CACNA2D3: variants seen among roughly 807,000 people sequenced by gnomAD.
CACNA2D3 encodes voltage-dependent calcium channel subunit alpha-2/delta-3.
CACNA2D3 carries 60 observed loss-of-function variants against 160.6 expected under a neutral mutation model. That is an observed-to-expected ratio of 0.37 (90% CI 0.30 to 0.46). The LOEUF (loss-of-function observed/expected upper bound fraction) is 0.46, where lower values mean the gene tolerates loss of function less well. Ranked by LOEUF, CACNA2D3 falls within the 20% of genes least tolerant of loss-of-function variation. The probability of loss-of-function intolerance (pLI) is 1.00; values close to 1 mark genes in which losing one functional copy is unlikely to be tolerated. For missense variants in CACNA2D3, 1,205 were observed against 1,365.0 expected (o/e 0.88, Z 1.85); for synonymous variants, 558 against 492.9 (o/e 1.13, Z -1.75).
chr3:54,260,163 G>A (rs1008268603), intron 2 of CACNA2D3, among the ~76,000 whole-genome samples: 10 of 151,926 alleles, frequency 6.6e-5, no homozygotes, highest in Admixed American at 1.3e-4. Context: ...GTGCAGAGAT[G>A]TCACACTTTG....
intron 2 of CACNA2D3, among the ~76,000 whole-genome samples, chr3:54,224,569 G>A (rs1489977587): frequency 6.6e-6 from 1 of 152,110 alleles, no homozygotes; most frequent in Non-Finnish European, 1.5e-5. Flanking sequence ...GACCACCGTC[G>A]TATATGCCAT....
At chr3:54,253,455 G>A (rs1215210987) in intron 2 of CACNA2D3, among the ~76,000 whole-genome samples, 1 of 151,834 alleles carries the variant, frequency 6.6e-6, no homozygotes, top group African/African-American at 2.4e-5. Context: ...GAAGGGGGAG[G>A]TGCCACACAC....
chr3:54,782,276 C>A (rs1324815730), intron 13 of CACNA2D3, among the ~76,000 whole-genome samples: 1 of 152,116 alleles, frequency 6.6e-6, no homozygotes, highest in East Asian at 1.9e-4. Flanking sequence ...ACAGTAAATT[C>A]CATAGCATAT....
chr3:54,307,053 C>T (rs1255631060), intron 2 of CACNA2D3, among the ~76,000 whole-genome samples: 1 of 152,100 alleles, frequency 6.6e-6, no homozygotes, highest in Non-Finnish European at 1.5e-5. Context: ...CGTCTGATGC[C>T]GACTCCAGAC....
intron 11 of CACNA2D3, among the ~76,000 whole-genome samples, chr3:54,749,225 C>T (rs1423648877): frequency 6.6e-6 from 1 of 152,106 alleles, no homozygotes; most frequent in Non-Finnish European, 1.5e-5. Flanking sequence ...ACACAAAACC[C>T]ACAACTTGCT....
intron 4 of CACNA2D3, among the ~76,000 whole-genome samples, chr3:54,475,634 G>A (rs985320055): frequency 1.3e-5 from 2 of 152,088 alleles, no homozygotes; most frequent in African/African-American, 2.4e-5. Context: ...TCTACAATCA[G>A]CCTTGCCCTA....
chr3:54,811,943 A>T (rs1703330823), intron 13 of CACNA2D3, among the ~76,000 whole-genome samples: 1 of 152,198 alleles, frequency 6.6e-6, no homozygotes, highest in Admixed American at 6.5e-5. Flanking sequence ...ACCTAATAAG[A>T]TTACTGTGAG....
At chr3:54,507,220 A>C (rs772311039) in intron 5 of CACNA2D3, among the ~76,000 whole-genome samples, 7 of 151,982 alleles carry the variant, frequency 4.6e-5, no homozygotes, top group African/African-American at 1.7e-4. Context: ...TTTTTCTTCC[A>C]TTGTAGTGTA....
chr3:54,202,428 A>C (rs1032164623), intron 2 of CACNA2D3, among the ~76,000 whole-genome samples: 3 of 152,230 alleles, frequency 2.0e-5, no homozygotes, highest in Non-Finnish European at 4.4e-5. Context: ...CGTCTTCTTC[A>C]TGCCATCTTC....
intron 4 of CACNA2D3, among the ~76,000 whole-genome samples, chr3:54,425,366 A>G (rs1199190628): frequency 6.6e-6 from 1 of 152,208 alleles, no homozygotes; most frequent in Non-Finnish European, 1.5e-5. Context: ...GAAGTCAGAA[A>G]GATTTAATTT....
rs138114925 is a variant in CACNA2D3, at chr3:54,426,966, C to A, written c.381+40192C>A. On this transcript the variant is annotated intron_variant, in intron 4 of 37. Coordinates refer to ENST00000474759, the MANE Select transcript of CACNA2D3 (RefSeq NM_018398.3). ...ACCTTTGTGTCTTCCTTGACCCTTCCTTGTTTTTCTTTCTCTTCTCTCTCC... is the reference window on the plus strand; with the variant it reads ...ACCTTTGTGTCTTCCTTGACCCTTCATTGTTTTTCTTTCTCTTCTCTCTCC... Among the ~76,000 whole-genome samples the A allele has an allele frequency of 6.7e-3, 1,013 of 152,178 alleles. 12 individuals are homozygous for A. The highest frequency in any genetic ancestry group is 0.023 in the African/African-American group (968 of 41,510).
intron 28 of CACNA2D3, 63 bp downstream of exon 28, chr3:54,968,574 G>T: frequency 8.0e-7 from 1 of 1,253,442 alleles, no homozygotes; most frequent in South Asian, 1.3e-5. Context: ...GTTCCCATTT[G>T]GGTACCTGGA....
rs186053794 is a variant in CACNA2D3, at chr3:54,576,528, G to T, written c.889-5275G>T. ...TCTAGGGAATGCTCACAGACATTGG[G>T]CAAAAGGAAAGAAAAGGCATATGAT... On this transcript the variant is annotated intron_variant, in intron 8 of 37. Transcript: ENST00000474759. 3.3e-5 allele frequency among the ~76,000 whole-genome samples: 5 copies of T among 152,278 alleles called. No individual in the cohort carries two copies. The East Asian group carries it at 5.8e-4, about 18-fold the overall frequency.
intron 9 of CACNA2D3, among the ~76,000 whole-genome samples, chr3:54,619,196 C>T (rs1202985304): frequency 6.6e-6 from 1 of 152,216 alleles, no homozygotes; most frequent in Non-Finnish European, 1.5e-5. Context: ...GACAAGTCCA[C>T]ATGACCTCAC....
rs188650073 is a variant in CACNA2D3, at chr3:54,255,914, C to T, written c.205-64528C>T. 3.4e-3 allele frequency among the ~76,000 whole-genome samples: 519 copies of T among 151,894 alleles called. 10 individuals carry two copies. The South Asian group carries it at 0.053, about 15-fold the overall frequency. ...ATAGAAATGGATACATGAGGTTAAG[C>T]GAGGTTAAGTAACTTATCCAAGGTC... On this transcript the variant is annotated intron_variant, in intron 2 of 37. Transcript: ENST00000474759.
intron 11 of CACNA2D3, among the ~76,000 whole-genome samples, chr3:54,652,238 A>G (rs80089654): frequency 6.8e-6 from 1 of 148,014 alleles, no homozygotes; most frequent in Middle Eastern, 3.5e-3. Flanking sequence ...CTGGCAGCGG[A>G]AAAAAAGGGA....
At chr3:54,880,515 C>CT (rs1344721248) in intron 20 of CACNA2D3, among the ~76,000 whole-genome samples, 1 of 152,160 alleles carries the variant, frequency 6.6e-6, no homozygotes, top group Admixed American at 6.5e-5. Flanking sequence ...GAGAGAAGGG[C>CT]TTGCTGGAAG....
chr3:54,170,138 C>T (rs1016864681), intron 2 of CACNA2D3, among the ~76,000 whole-genome samples: 64 of 148,216 alleles, frequency 4.3e-4, no homozygotes, highest in African/African-American at 1.6e-3. Flanking sequence ...TGCAGTGAGC[C>T]GAGATTGCGC....
chr3:54,949,367 GCCTGCT>G (rs1701698005), intron 27 of CACNA2D3, among the ~76,000 whole-genome samples: 1 of 152,202 alleles, frequency 6.6e-6, no homozygotes, highest in Non-Finnish European at 1.5e-5. Context: ...AAGGGGACAT[GCCTGCT>G]CAGCTGGCAA....
Sources: allele counts gnomAD v4.1 joint callset (sites outside exome capture counted in the v4.1 genomes callset), GRCh38; gene constraint gnomAD v4.1.1; transcripts MANE v1.5; gene names NCBI Gene and HGNC (gene_info 2026-07-23, HGNC 2026-07-21).